Variants in KCND3 observed in about 807,000 individuals in gnomAD.
The protein encoded by KCND3 is potassium voltage-gated channel subfamily D member 3.
KCND3 carries 9 observed loss-of-function variants against 51.1 expected under a neutral mutation model. The ratio of observed to expected loss-of-function variants is 0.18; its 90% CI spans 0.11 to 0.31. The LOEUF is 0.31. KCND3 is among the 10% of genes least tolerant of loss of function. The pLI, the probability that KCND3 is intolerant of heterozygous loss-of-function variation, is 1.00. For missense variants in KCND3, 526 were observed against 903.8 expected (o/e 0.58, Z 5.36); for synonymous variants, 349 against 368.0 (o/e 0.95, Z 0.59).
chr1:111,792,244 G>T (rs1381962507), intron 2 of KCND3, among the ~76,000 whole-genome samples: 1 of 152,222 alleles, frequency 6.6e-6, no homozygotes, highest in East Asian at 1.9e-4. Flanking sequence ...GCATTAGTGG[G>T]TCTCACAGTA....
intron 2 of KCND3, among the ~76,000 whole-genome samples, chr1:111,955,518 G>T (rs1673286780): frequency 6.6e-6 from 1 of 152,142 alleles, no homozygotes; most frequent in South Asian, 2.1e-4. Context: ...GCTGGATGGG[G>T]GGCCACATTT....
chr1:111,840,763 A>AG (rs1163440360), intron 2 of KCND3, among the ~76,000 whole-genome samples: 1 of 152,120 alleles, frequency 6.6e-6, no homozygotes, highest in Non-Finnish European at 1.5e-5. Flanking sequence ...CCCTTTATAA[A>AG]GCCTCAGGCT....
At chr1:111,957,559 T>A (rs1468080224) in intron 2 of KCND3, among the ~76,000 whole-genome samples, 1 of 146,722 alleles carries the variant, frequency 6.8e-6, no homozygotes. Context: ...GATATAAGTT[T>A]AAAAAAAAAA....
At chr1:111,828,769 G>A (rs969012929) in intron 2 of KCND3, among the ~76,000 whole-genome samples, 5 of 152,242 alleles carry the variant, frequency 3.3e-5, no homozygotes, top group South Asian at 2.1e-4. Context: ...TGTTGCCACC[G>A]TCCATTAGCC....
At chr1:111,988,338 C>T (rs1046132636) in intron 1 of KCND3, among the ~76,000 whole-genome samples, 5 of 152,182 alleles carry the variant, frequency 3.3e-5, no homozygotes, top group Admixed American at 2.6e-4. Context: ...AACGGTGCCA[C>T]TCCTAGGCTA....
At chr1:111,848,785 G>A (rs534990970) in intron 2 of KCND3, among the ~76,000 whole-genome samples, 5 of 152,330 alleles carry the variant, frequency 3.3e-5, no homozygotes, top group South Asian at 2.1e-4. Flanking sequence ...AAGACCTGAC[G>A]TTGTAGGGCG....
chr1:111,867,358 G>A (rs1214548434), intron 2 of KCND3, among the ~76,000 whole-genome samples: 3 of 152,106 alleles, frequency 2.0e-5, no homozygotes, highest in African/African-American at 7.2e-5. Context: ...GAAGCTGAAG[G>A]GCTTGCATCA....
In KCND3 at chr1:111,819,718, C is replaced by A. The variant is rs1468575584; in HGVS notation, c.1107-32612G>T. ...GCAGCTCACAGGCCTGCTTGTGTCTCCTCAGGCTGGGAAGTGTTAGCCATA... is the reference window on the plus strand; with the variant it reads ...GCAGCTCACAGGCCTGCTTGTGTCTACTCAGGCTGGGAAGTGTTAGCCATA... On this transcript the variant is annotated intron_variant, in intron 2 of 7. Transcript: ENST00000302127. Among the ~76,000 whole-genome samples, 6 of 152,160 alleles carry A rather than the reference C, an allele frequency of 3.9e-5. No individual in the cohort carries two copies. In the East Asian group the frequency reaches 1.2e-3, roughly 29 times the overall value.
chr1:111,863,782 G>A (rs923224114), intron 2 of KCND3, among the ~76,000 whole-genome samples: 4 of 152,172 alleles, frequency 2.6e-5, no homozygotes, highest in Non-Finnish European at 5.9e-5. Context: ...TAAAAACGGA[G>A]GCTGGACTAG....
At chr1:111,847,892 C>A (rs1667631586) in intron 2 of KCND3, among the ~76,000 whole-genome samples, 1 of 152,188 alleles carries the variant, frequency 6.6e-6, no homozygotes, top group Non-Finnish European at 1.5e-5. Flanking sequence ...ACATCATTTG[C>A]CCCAGGTTGA....
In KCND3 at chr1:111,974,505, G is replaced by A. The variant is rs117928971; in HGVS notation, c.1106+7116C>T. Among the ~76,000 whole-genome samples, 40 of 152,280 alleles carry A rather than the reference G, an allele frequency of 2.6e-4. No individual in the cohort carries two copies. The East Asian group carries it at 6.6e-3, about 25-fold the overall frequency. ...CCTGAGGATAGCGGGTGGGAGGTGAGGAGACTCAGAGCTAAAAGTCTCTGC... is the reference window on the plus strand; with the variant it reads ...CCTGAGGATAGCGGGTGGGAGGTGAAGAGACTCAGAGCTAAAAGTCTCTGC... On this transcript the variant is annotated intron_variant, in intron 2 of 7. Coordinates refer to ENST00000302127, the MANE Select transcript of KCND3 (RefSeq NM_001378969.1).
chr1:111,850,049 G>A (rs1392757240), intron 2 of KCND3, among the ~76,000 whole-genome samples: 2 of 152,156 alleles, frequency 1.3e-5, no homozygotes, highest in Non-Finnish European at 2.9e-5. Context: ...CCACCAGAGA[G>A]CCCATAACTC....
chr1:111,906,722 G>C (rs1670664483), intron 2 of KCND3, among the ~76,000 whole-genome samples: 6 of 152,096 alleles, frequency 3.9e-5, no homozygotes, highest in Admixed American at 3.9e-4. Flanking sequence ...AGGTTGTGCT[G>C]ATCATTCATT....
At chr1:111,791,456 G>GGA (rs1245005764) in intron 2 of KCND3, among the ~76,000 whole-genome samples, 1 of 152,222 alleles carries the variant, frequency 6.6e-6, no homozygotes, top group Non-Finnish European at 1.5e-5. Context: ...GGCACTAGCA[G>GGA]GAGATGCGTG....
chr1:111,778,337 C>T, intron 6 of KCND3, 99 bp downstream of exon 6: 1 of 1,084,988 alleles, frequency 9.2e-7, no homozygotes, highest in South Asian at 1.2e-5. Flanking sequence ...GAATCAGCAG[C>T]ACATGCACAG....
intron 1 of KCND3, among the ~76,000 whole-genome samples, chr1:111,986,631 C>CA (rs34115852): frequency 0.03 from 4,563 of 152,308 alleles, 99 homozygotes; most frequent in Non-Finnish European, 0.05. Context: ...AGGAACATGA[C>CA]AAAAGACCCT....
intron 2 of KCND3, among the ~76,000 whole-genome samples, chr1:111,905,366 C>T (rs1670596646): frequency 6.6e-6 from 1 of 152,354 alleles, no homozygotes; most frequent in South Asian, 2.1e-4. Context: ...CTGATCACCA[C>T]AGCCCTGTGA....
intron 2 of KCND3, among the ~76,000 whole-genome samples, chr1:111,967,008 C>T (rs545744713): frequency 3.3e-5 from 5 of 152,000 alleles, no homozygotes; most frequent in South Asian, 2.1e-4. Context: ...GCCATGGTAG[C>T]GCATGCCTGT....
chr1:111,777,894 G>A (rs1047213124), intron 6 of KCND3, among the ~76,000 whole-genome samples: 1 of 152,216 alleles, frequency 6.6e-6, no homozygotes, highest in South Asian at 2.1e-4. Flanking sequence ...CCTAGGTCAA[G>A]TGTAAGCATG....
Sources: gnomAD v4.1 joint callset for allele counts (sites outside exome capture counted in the v4.1 genomes callset) on GRCh38, gnomAD v4.1.1 for gene constraint, MANE v1.5 for transcripts, NCBI Gene and HGNC (gene_info 2026-07-23, HGNC 2026-07-21) for gene names.